Variants in ADAMTSL1 observed in about 807,000 individuals in gnomAD.
The protein encoded by ADAMTSL1 is ADAMTS-like protein 1.
In ADAMTSL1, 126 loss-of-function variants were observed where a neutral mutation model predicts 201.8. That is an observed-to-expected ratio of 0.62 (90% CI 0.54 to 0.72). The LOEUF (loss-of-function observed/expected upper bound fraction) is 0.72. Ranked by LOEUF, ADAMTSL1 falls within the 30% of genes least tolerant of loss-of-function variation. The pLI is 0.00. For missense variants in ADAMTSL1, 2,679 were observed against 2,277.8 expected, an observed-to-expected ratio of 1.18 and a Z score of -3.59; for synonymous variants, 1,121 against 903.4, an observed-to-expected ratio of 1.24 and a Z score of -4.32.
At chr9:18,063,816 T>C (rs1013392648) in intron 1 of ADAMTSL1, among the ~76,000 whole-genome samples, 1 of 152,166 alleles carries the variant, frequency 6.6e-6, no homozygotes, top group African/African-American at 2.4e-5. Context: ...GATTTGGCTG[T>C]CCCAAAACAC....
At chr9:18,609,831 T>G (rs1480530811) in intron 4 of ADAMTSL1, among the ~76,000 whole-genome samples, 1 of 152,206 alleles carries the variant, frequency 6.6e-6, no homozygotes, top group Non-Finnish European at 1.5e-5. Flanking sequence ...TGTTATGTGC[T>G]AGGCAATGAA....
At chr9:18,011,506 C>T (rs1820049679) in intron 1 of ADAMTSL1, among the ~76,000 whole-genome samples, 1 of 151,942 alleles carries the variant, frequency 6.6e-6, no homozygotes, top group African/African-American at 2.4e-5. Context: ...TGCTGAGGTT[C>T]TCAGAATGAG....
chr9:18,394,509 G>T (rs1281603017), intron 2 of ADAMTSL1, among the ~76,000 whole-genome samples: 1 of 152,168 alleles, frequency 6.6e-6, no homozygotes, highest in African/African-American at 2.4e-5. Flanking sequence ...AGACAGAAAT[G>T]GAGAGAGAAT....
At chr9:18,869,552 G>T (rs1162543774) in intron 23 of ADAMTSL1, among the ~76,000 whole-genome samples, 1 of 152,246 alleles carries the variant, frequency 6.6e-6, no homozygotes. Context: ...GCTGGAAGCA[G>T]TAAATTTCAT....
intron 23 of ADAMTSL1, among the ~76,000 whole-genome samples, chr9:18,884,210 C>T (rs1259733199): frequency 1.3e-5 from 2 of 152,148 alleles, no homozygotes; most frequent in Non-Finnish European, 2.9e-5. Context: ...TCATGTATCT[C>T]TTTTGGAGAA....
chr9:18,380,652 A>G (rs1356418631), intron 2 of ADAMTSL1, among the ~76,000 whole-genome samples: 1 of 152,226 alleles, frequency 6.6e-6, no homozygotes, highest in East Asian at 1.9e-4. Context: ...GGGAGGGAAG[A>G]AAGTGCACAT....
intron 1 of ADAMTSL1, among the ~76,000 whole-genome samples, chr9:18,483,671 C>T (rs1413949304): frequency 6.6e-6 from 1 of 152,002 alleles, no homozygotes; most frequent in Non-Finnish European, 1.5e-5. Flanking sequence ...ACTAAAAATA[C>T]AAAAAATTAC....
At chr9:18,177,127 G>A (rs905777916) in intron 2 of ADAMTSL1, among the ~76,000 whole-genome samples, 2 of 152,268 alleles carry the variant, frequency 1.3e-5, no homozygotes, top group African/African-American at 2.4e-5. Flanking sequence ...TAGTAAATTG[G>A]TTTGAATGTA....
At chr9:18,540,958 A>G (rs1362986076) in intron 3 of ADAMTSL1, among the ~76,000 whole-genome samples, 1 of 152,112 alleles carries the variant, frequency 6.6e-6, no homozygotes, top group Non-Finnish European at 1.5e-5. Flanking sequence ...TGGACCAAAG[A>G]AATATACTTC....
intron 21 of ADAMTSL1, among the ~76,000 whole-genome samples, chr9:18,819,872 A>G (rs1824102719): frequency 6.6e-6 from 1 of 152,262 alleles, no homozygotes; most frequent in Non-Finnish European, 1.5e-5. Context: ...CAAGGAAATC[A>G]TCTGTGAGCT....
chr9:18,399,318 T>TATATATATATACATATAC (rs1563934781), intron 2 of ADAMTSL1, among the ~76,000 whole-genome samples: 2 of 100,796 alleles, frequency 2.0e-5, no homozygotes, highest in African/African-American at 7.4e-5. Flanking sequence ...TATATATATA[T>TATATATATATACATATAC]ATATATATAT....
chr9:18,412,717 C>T (rs890507747), intron 2 of ADAMTSL1, among the ~76,000 whole-genome samples: 1 of 152,164 alleles, frequency 6.6e-6, no homozygotes, highest in African/African-American at 2.4e-5. Context: ...CCATATTAGG[C>T]CACTAGAAGC....
chr9:17,945,988 A>T (rs891036250), intron 1 of ADAMTSL1, among the ~76,000 whole-genome samples: 2 of 151,732 alleles, frequency 1.3e-5, no homozygotes, highest in African/African-American at 4.8e-5. Flanking sequence ...AAAAAAGAAA[A>T]TCTTCCACCA....
chr9:18,057,229 T>C (rs1822234288), intron 1 of ADAMTSL1, among the ~76,000 whole-genome samples: 1 of 152,190 alleles, frequency 6.6e-6, no homozygotes, highest in Non-Finnish European at 1.5e-5. Flanking sequence ...CTCACGGTTT[T>C]CCTGTGTGTG....
chr9:18,303,165 G>C (rs1833770278), intron 2 of ADAMTSL1, among the ~76,000 whole-genome samples: 1 of 152,306 alleles, frequency 6.6e-6, no homozygotes, highest in African/African-American at 2.4e-5. Flanking sequence ...TGAATACCAG[G>C]TTTGACATTT....
intron 15 of ADAMTSL1, among the ~76,000 whole-genome samples, chr9:18,725,380 G>A (rs1364606429): frequency 6.6e-6 from 1 of 152,214 alleles, no homozygotes; most frequent in African/African-American, 2.4e-5. Context: ...ATGGAAGACA[G>A]ATGTTAATCC....
chr9:18,401,737 A>G (rs1444514349), intron 2 of ADAMTSL1, among the ~76,000 whole-genome samples: 1 of 152,168 alleles, frequency 6.6e-6, no homozygotes, highest in Non-Finnish European at 1.5e-5. Flanking sequence ...TCATATTGAT[A>G]TATTACCTTT....
rs544967779 is a variant in ADAMTSL1 at position 18,352,699 on chromosome 9, C to A, written c.208-152130C>A. Among the ~76,000 whole-genome samples, 8 of 152,266 alleles carry A rather than the reference C, an allele frequency of 5.3e-5. No individual in the cohort carries two copies. The East Asian group carries it at 1.2e-3, about 22-fold the overall frequency. Reference sequence around the variant, plus strand: ...TGATTCCATTTTGATTTATTCCCTACAGAAAACCATCAGATGATTTTATTT... The same window carrying A: ...TGATTCCATTTTGATTTATTCCCTAAAGAAAACCATCAGATGATTTTATTT... On this transcript the variant is annotated intron_variant, in intron 2 of 29. Transcript: ENST00000680146.
At chr9:17,961,963 C>G (rs779810638) in intron 1 of ADAMTSL1, among the ~76,000 whole-genome samples, 5 of 152,168 alleles carry the variant, frequency 3.3e-5, no homozygotes, top group African/African-American at 4.8e-5. Context: ...AGCATTCACT[C>G]TTATACAGAG....
Sources: allele counts gnomAD v4.1 joint callset (sites outside exome capture counted in the v4.1 genomes callset), GRCh38; gene constraint gnomAD v4.1.1; transcripts MANE v1.5; gene names NCBI Gene and HGNC (gene_info 2026-07-23, HGNC 2026-07-21).